The following CEP128 variants were observed in gnomAD, a reference collection of about 807,000 sequenced individuals.
The protein encoded by CEP128 is centrosomal protein 128kDa.
In CEP128, 132 loss-of-function variants were observed where a neutral mutation model predicts 156.7. The observed-to-expected ratio is 0.84, with a 90% CI of 0.73 to 0.97. CEP128 has a LOEUF of 0.97. Ranked by LOEUF, CEP128 falls within the 50% of genes least tolerant of loss-of-function variation. CEP128 has a pLI of 0.00. For synonymous variants in CEP128, 469 were observed against 448.9 expected (o/e 1.04, Z -0.57); for missense variants, 1,252 against 1,281.9 (o/e 0.98, Z 0.36).
intron 22 of CEP128, among the ~76,000 whole-genome samples, chr14:80,529,282 A>G (rs1889116417): frequency 6.6e-6 from 1 of 152,220 alleles, no homozygotes; most frequent in Non-Finnish European, 1.5e-5. Context: ...CAATTTCAGT[A>G]TATTGGGAAG....
At chr14:80,857,382 C>T (rs916816378) in intron 9 of CEP128, among the ~76,000 whole-genome samples, 1 of 151,900 alleles carries the variant, frequency 6.6e-6, no homozygotes, top group Non-Finnish European at 1.5e-5. Context: ...TAATTTACCT[C>T]AATGTTATAT....
Position 80,684,181 on chromosome 14 carries a change from A to T in CEP128, c.2806+58894T>A, listed in dbSNP as rs141800853. ...TTGGTTTTTTGAAAGGATACACAAG[A>T]TCGGTAGACCACTAACTAGATTAAC... On this transcript the variant is annotated intron_variant, in intron 19 of 24. Coordinates refer to ENST00000555265, the MANE Select transcript of CEP128 (RefSeq NM_152446.5). Among the ~76,000 whole-genome samples the T allele has an allele frequency of 4.3e-3, 655 of 152,236 alleles. 3 individuals are homozygous for T. Among genetic ancestry groups the T allele is most frequent in the African/African-American group, 0.015 (624 of 41,556 alleles).
rs1595558162 is a variant in CEP128, at chr14:80,894,125, T to G, written c.645+1593A>C. Among the ~76,000 whole-genome samples the G allele has an allele frequency of 2.0e-5, 3 of 151,998 alleles. No individual in the cohort carries two copies. The South Asian group carries it at 6.2e-4, about 32-fold the overall frequency. ...ATGACTTCTTAGGTCAAAAAAGTAC[T>G]AATCACAAAAGAAAAGATGGAAAAT... is the stretch of plus-strand genomic sequence containing the variant. On this transcript the variant is annotated intron_variant, in intron 8 of 24. Coordinates refer to ENST00000555265, the MANE Select transcript of CEP128 (RefSeq NM_152446.5).
intron 17 of CEP128, among the ~76,000 whole-genome samples, chr14:80,759,597 C>T (rs1177186807): frequency 6.6e-6 from 1 of 151,842 alleles, no homozygotes; most frequent in Non-Finnish European, 1.5e-5. Flanking sequence ...AAGAGGCCCA[C>T]AATGAAAAAA....
At chr14:80,939,993 A>T (rs1594872555) in intron 1 of CEP128, among the ~76,000 whole-genome samples, 1 of 152,206 alleles carries the variant, frequency 6.6e-6, no homozygotes, top group East Asian at 1.9e-4. Flanking sequence ...TGCTACAATT[A>T]AATAAATAAG....
At chr14:80,929,953 C>T (rs185120171) in intron 2 of CEP128, among the ~76,000 whole-genome samples, 1 of 152,286 alleles carries the variant, frequency 6.6e-6, no homozygotes, top group Non-Finnish European at 1.5e-5. Context: ...GGTGGGTGAG[C>T]AAAGTTTCAT....
At chr14:80,694,772 G>C (rs1896834471) in intron 19 of CEP128, among the ~76,000 whole-genome samples, 1 of 151,780 alleles carries the variant, frequency 6.6e-6, no homozygotes, top group South Asian at 2.1e-4. Context: ...AAGGGGAAGG[G>C]GAGCATTATC....
intron 2 of CEP128, among the ~76,000 whole-genome samples, chr14:80,931,397 T>A (rs1208140669): frequency 2.0e-5 from 3 of 152,174 alleles, no homozygotes; most frequent in Non-Finnish European, 4.4e-5. Flanking sequence ...TTTTGCAGGA[T>A]GTGATTAAAA....
At chr14:80,749,542 CAT>C (rs1899282124) in intron 18 of CEP128, among the ~76,000 whole-genome samples, 1 of 152,102 alleles carries the variant, frequency 6.6e-6, no homozygotes, top group Non-Finnish European at 1.5e-5. Context: ...ACGAACTTCA[CAT>C]GTCTCACTCA....
chr14:80,522,606 A>G (rs1888794619), intron 23 of CEP128, among the ~76,000 whole-genome samples: 1 of 152,264 alleles, frequency 6.6e-6, no homozygotes, highest in South Asian at 2.1e-4. Flanking sequence ...AAAAATTCCA[A>G]TGTTAATTAA....
At chr14:80,835,251 C>T (rs1428253365) in intron 12 of CEP128, among the ~76,000 whole-genome samples, 1 of 152,076 alleles carries the variant, frequency 6.6e-6, no homozygotes, top group African/African-American at 2.4e-5. Context: ...TACAGAACTG[C>T]GATCTAAATA....
chr14:80,923,905 T>A (rs530203548), intron 2 of CEP128, among the ~76,000 whole-genome samples: 1 of 152,258 alleles, frequency 6.6e-6, no homozygotes, highest in South Asian at 2.1e-4. Flanking sequence ...CTCATGATAG[T>A]GAGTTCTCAC....
intron 19 of CEP128, among the ~76,000 whole-genome samples, chr14:80,620,993 A>T (rs1893455367): frequency 6.6e-6 from 1 of 152,208 alleles, no homozygotes; most frequent in African/African-American, 2.4e-5. Context: ...ATATATACCA[A>T]ATTCAGGATA....
At chr14:80,677,484 G>A in intron 19 of CEP128, among the ~76,000 whole-genome samples, 1 of 123,832 alleles carries the variant, frequency 8.1e-6, no homozygotes. Context: ...ACTCCAGCCT[G>A]GGCGACACAG....
chr14:80,608,624 T>C (rs1400704088), intron 19 of CEP128, among the ~76,000 whole-genome samples: 1 of 152,184 alleles, frequency 6.6e-6, no homozygotes, highest in Admixed American at 6.5e-5. Flanking sequence ...CTGATCACAC[T>C]AAACTATTTG....
intron 19 of CEP128, among the ~76,000 whole-genome samples, chr14:80,637,232 A>AG (rs1894223165): frequency 6.6e-6 from 1 of 152,174 alleles, no homozygotes; most frequent in Non-Finnish European, 1.5e-5. Context: ...TGGCCCCCAA[A>AG]GATACCCATA....
At chr14:80,765,598 G>A (rs1052927921) in intron 16 of CEP128, among the ~76,000 whole-genome samples, 4 of 152,140 alleles carry the variant, frequency 2.6e-5, no homozygotes, top group Admixed American at 2.6e-4. Context: ...ATGTTTCAGG[G>A]TGAAAGGACA....
chr14:80,881,261 T>A (rs1888539713), intron 8 of CEP128, among the ~76,000 whole-genome samples: 1 of 152,082 alleles, frequency 6.6e-6, no homozygotes. Flanking sequence ...ACTGCAGAAA[T>A]TCAAAGGATC....
At chr14:80,529,397 A>G (rs560578146) in intron 22 of CEP128, among the ~76,000 whole-genome samples, 1 of 152,348 alleles carries the variant, frequency 6.6e-6, no homozygotes, top group South Asian at 2.1e-4. Flanking sequence ...GATGATCACT[A>G]GCTCATAGGA....
Sources: allele counts gnomAD v4.1 joint callset (sites outside exome capture counted in the v4.1 genomes callset), GRCh38; gene constraint gnomAD v4.1.1; transcripts MANE v1.5; gene names NCBI Gene and HGNC (gene_info 2026-07-23, HGNC 2026-07-21).